Variants in PRKN observed in about 807,000 individuals in gnomAD.
The protein encoded by PRKN is parkin RBR E3 ubiquitin protein ligase.
A neutral mutation model predicts 59.5 loss-of-function variants in PRKN; 56 were observed. The ratio of observed to expected loss-of-function variants is 0.94; its 90% CI spans 0.76 to 1.18. The LOEUF (loss-of-function observed/expected upper bound fraction) is 1.18. Among genes scored for constraint, PRKN ranks in the 50% most tolerant of loss-of-function variants. PRKN has a pLI of 0.00. For synonymous variants in PRKN, 250 were observed against 222.1 expected (o/e 1.13, Z -1.12); for missense variants, 657 against 596.4 (o/e 1.10, Z -1.06).
intron 7 of PRKN, among the ~76,000 whole-genome samples, chr6:161,745,890 C>G (rs894049858): frequency 6.6e-6 from 1 of 152,194 alleles, no homozygotes; most frequent in African/African-American, 2.4e-5. Flanking sequence ...AAGCTAAGAA[C>G]AGATTATTTT....
intron 6 of PRKN, among the ~76,000 whole-genome samples, chr6:161,884,401 A>T (rs1331794010): frequency 6.6e-6 from 1 of 152,198 alleles, no homozygotes; most frequent in African/African-American, 2.4e-5. Context: ...TTTGCAGCTT[A>T]GTTTCATTTT....
At chr6:161,441,395 A>G (rs1322848754) in intron 9 of PRKN, among the ~76,000 whole-genome samples, 3 of 152,188 alleles carry the variant, frequency 2.0e-5, no homozygotes. Flanking sequence ...CTACAATCCC[A>G]GCACTTTGGG....
At chr6:161,374,631 G>T (rs142203493) in intron 10 of PRKN, among the ~76,000 whole-genome samples, 218 of 4,580 alleles carry the variant, frequency 0.048, 6 homozygotes, top group African/African-American at 0.067. Flanking sequence ...TGGCATGTGT[G>T]ATGTATGTGT....
At chr6:161,621,909 GA>G (rs1207790003) in intron 7 of PRKN, among the ~76,000 whole-genome samples, 1 of 151,826 alleles carries the variant, frequency 6.6e-6, no homozygotes, top group Non-Finnish European at 1.5e-5. Context: ...TTCCATTGTA[GA>G]AAAAAAAGTC....
intron 5 of PRKN, among the ~76,000 whole-genome samples, chr6:162,032,707 C>T (rs1105056): frequency 0.17 from 25,191 of 152,084 alleles, 2,822 homozygotes; most frequent in East Asian, 0.55. Context: ...CTGCTCTTGG[C>T]TCCTTTTTCA....
At chr6:161,729,464 G>A (rs1172336081) in intron 7 of PRKN, among the ~76,000 whole-genome samples, 1 of 152,084 alleles carries the variant, frequency 6.6e-6, no homozygotes, top group Non-Finnish European at 1.5e-5. Flanking sequence ...ATTATTATAG[G>A]TTGGAAAAAT....
intron 1 of PRKN, among the ~76,000 whole-genome samples, chr6:162,505,032 C>T (rs972796889): frequency 6.6e-6 from 1 of 151,996 alleles, no homozygotes; most frequent in African/African-American, 2.4e-5. Context: ...TCTAAGATTC[C>T]GAAGATACTA....
intron 1 of PRKN, among the ~76,000 whole-genome samples, chr6:162,595,380 C>G (rs892773842): frequency 1.3e-5 from 2 of 151,390 alleles, no homozygotes; most frequent in African/African-American, 4.9e-5. Flanking sequence ...CTCAGCCTCC[C>G]AAGTAGCTGG....
intron 6 of PRKN, among the ~76,000 whole-genome samples, chr6:161,925,246 G>T (rs2128239692): frequency 6.6e-6 from 1 of 152,186 alleles, no homozygotes; most frequent in East Asian, 1.9e-4. Flanking sequence ...TGATAGAATT[G>T]CATCTTTGAC....
intron 7 of PRKN, among the ~76,000 whole-genome samples, chr6:161,679,752 T>TG (rs1785241779): frequency 1.0e-5 from 1 of 99,876 alleles, no homozygotes; most frequent in East Asian, 2.8e-4. Flanking sequence ...TTTTTTTTTT[T>TG]TTTTTTTTTT....
In PRKN at chr6:162,262,664, C is replaced by T. The variant is rs781619606; in HGVS notation, c.273G>A (p.Ala91=). ...NATGGDDPRN[A]AGGCEREPQS... ...GGGGCTCCCGCTCACAGCCTCCCGC[C>T]GCGTTTCTGGGGTCGTCGCCTCCAG... Residue 91 remains alanine (A), a synonymous_variant, in exon 3 of 12, where the codon GCG becomes GCA. Coordinates refer to ENST00000366898, the MANE Select transcript of PRKN (RefSeq NM_004562.3). The T allele has an allele frequency of 1.7e-5, 28 of 1,613,536 alleles. No homozygotes were observed. Among genetic ancestry groups the T allele is most frequent in the Middle Eastern group, 1.6e-4 (1 of 6,084 alleles).
chr6:162,136,246 A>C (rs1187073423), intron 4 of PRKN, among the ~76,000 whole-genome samples: 15 of 152,078 alleles, frequency 9.9e-5, no homozygotes. Flanking sequence ...GGAACAGGAA[A>C]AGGAACATCC....
chr6:162,135,803 G>C (rs1054098866), intron 4 of PRKN, among the ~76,000 whole-genome samples: 2 of 152,074 alleles, frequency 1.3e-5, no homozygotes, highest in African/African-American at 4.8e-5. Context: ...TGACATTACT[G>C]ATCATTTCTG....
chr6:162,637,323 C>A (rs1777764489), intron 1 of PRKN, among the ~76,000 whole-genome samples: 1 of 139,866 alleles, frequency 7.1e-6, no homozygotes, highest in African/African-American at 2.6e-5. Context: ...GAGACATCCA[C>A]CATCAGATTG....
intron 7 of PRKN, among the ~76,000 whole-genome samples, chr6:161,781,910 T>C (rs983353339): frequency 3.9e-5 from 6 of 152,202 alleles, no homozygotes; most frequent in African/African-American, 1.4e-4. Context: ...GCAAAAGCCT[T>C]GCGGCTCCCC....
intron 3 of PRKN, among the ~76,000 whole-genome samples, chr6:162,260,390 T>A (rs1779839230): frequency 6.6e-6 from 1 of 152,276 alleles, no homozygotes; most frequent in East Asian, 1.9e-4. Flanking sequence ...TATTCTCTAT[T>A]GTTTGGGTTG....
intron 6 of PRKN, among the ~76,000 whole-genome samples, chr6:161,826,843 C>T (rs972168555): frequency 3.3e-5 from 5 of 152,212 alleles, no homozygotes; most frequent in Admixed American, 6.5e-5. Context: ...TATGCATGAT[C>T]GAAATAGCCT....
chr6:162,547,824 C>T (rs1297372193), intron 1 of PRKN, among the ~76,000 whole-genome samples: 1 of 152,058 alleles, frequency 6.6e-6, no homozygotes, highest in Admixed American at 6.6e-5. Context: ...TCAGGAGATA[C>T]ATCCACTTTA....
intron 7 of PRKN, among the ~76,000 whole-genome samples, chr6:161,573,781 T>C (rs1368551767): frequency 6.4e-5 from 6 of 93,778 alleles, no homozygotes; most frequent in Non-Finnish European, 1.3e-4. Context: ...TATATATATA[T>C]ATATATATAT....
Sources: gnomAD v4.1 joint callset for allele counts (sites outside exome capture counted in the v4.1 genomes callset) on GRCh38, gnomAD v4.1.1 for gene constraint, MANE v1.5 for transcripts, NCBI Gene and HGNC (gene_info 2026-07-23, HGNC 2026-07-21) for gene names.